STRN: variants seen among roughly 807,000 people sequenced by gnomAD.
The protein encoded by STRN is protein phosphatase 2 regulatory subunit B'''alpha.
STRN carries 53 observed loss-of-function variants against 96.3 expected under a neutral mutation model. That is an observed-to-expected ratio of 0.55 (90% CI 0.44 to 0.69). The LOEUF is 0.69. STRN is among the 30% of genes least tolerant of loss of function. STRN has a pLI of 0.00. For missense variants in STRN, 987 were observed against 963.9 expected (o/e 1.02, Z -0.32); for synonymous variants, 428 against 355.9 (o/e 1.20, Z -2.28).
In STRN at chr2:36,846,464, AAT is replaced by A; in HGVS notation, c.*2990_*2991del. ...TTATATATATTCTTACAATATATAT[AAT>A]ATATATTTATAAAATATACATACAT... On this transcript the variant is annotated 3_prime_UTR_variant, in exon 18 of 18. Coordinates refer to ENST00000263918, the MANE Select transcript of STRN (RefSeq NM_003162.4). 7.2e-6 allele frequency: 1 copy of A among 138,684 alleles called. No individual in the cohort carries two copies. The highest frequency in any genetic ancestry group is 2.2e-4 in the South Asian group (1 of 4,480). The allele number at this position is 138,684 out of a possible 1,614,324, so 8.6% of individuals were successfully genotyped here. A position where few individuals can be genotyped will look rare whatever the true frequency, so the allele number is the denominator to read the frequency against.
Position 36,848,429 on chromosome 2 carries a change from T to C in STRN, c.*1027A>G, listed in dbSNP as rs1438469173. On this transcript the variant is annotated 3_prime_UTR_variant, in exon 18 of 18. Transcript: ENST00000263918. Reference sequence around the variant, plus strand: ...ATTAATAATTATGAACTGTTCTTGGTAGATGTCAGATAACTTGAACGTGAC... The same window carrying C: ...ATTAATAATTATGAACTGTTCTTGGCAGATGTCAGATAACTTGAACGTGAC... The C allele has an allele frequency of 6.6e-6, 1 of 152,184 alleles. No individual in the cohort carries two copies. The highest frequency in any genetic ancestry group is 1.5e-5 in the Non-Finnish European group (1 of 68,018). The allele number at this position is 152,184 out of a possible 1,614,324, so 9.4% of individuals were successfully genotyped here.
In STRN at chr2:36,844,346, T is replaced by TTGA. The variant is rs1292871523; in HGVS notation, c.*5109_*5110insTCA. 4 of 152,114 alleles carry TTGA rather than the reference T, an allele frequency of 2.6e-5. No individual in the cohort carries two copies. The highest frequency in any genetic ancestry group is 7.2e-5 in the African/African-American group (3 of 41,418). The allele number at this position is 152,114 out of a possible 1,614,324, so 9.4% of individuals were successfully genotyped here. ...TGCTGATAATAACAAATTTAGCAGC[T>TTGA]CTCTACAAGTCAATTAAAATACCAT... On this transcript the variant is annotated 3_prime_UTR_variant, in exon 18 of 18. Coordinates refer to ENST00000263918, the MANE Select transcript of STRN (RefSeq NM_003162.4).
chr2:36,861,766 T>A (rs563819593), intron 12 of STRN, among the ~76,000 whole-genome samples: 1 of 147,680 alleles, frequency 6.8e-6, no homozygotes, highest in Admixed American at 6.8e-5. Flanking sequence ...CACACACACT[T>A]CTCACAAAAC....
intron 1 of STRN, among the ~76,000 whole-genome samples, chr2:36,956,783 A>C (rs1277632000): frequency 2.6e-5 from 4 of 152,232 alleles, no homozygotes; most frequent in Non-Finnish European, 5.9e-5. Context: ...ACATCTCTTG[A>C]TAAAGAAGTG....
rs1379665401 is a variant in STRN at position 36,846,873 on chromosome 2, A to G, written c.*2583T>C. On this transcript the variant is annotated 3_prime_UTR_variant, in exon 18 of 18. Transcript: ENST00000263918. ...CATATGAAAATAAGGCAGGGATCCA[A>G]ACCTCCCGCTAATTTTCATACTATT... is the stretch of plus-strand genomic sequence containing the variant. 2 of 152,142 alleles carry G rather than the reference A, an allele frequency of 1.3e-5. No homozygotes were observed. The highest frequency in any genetic ancestry group is 2.9e-5 in the Non-Finnish European group (2 of 68,026). The allele number at this position is 152,142 out of a possible 1,614,324, so 9.4% of individuals were successfully genotyped here. A position where few individuals can be genotyped will look rare whatever the true frequency, so the allele number is the denominator to read the frequency against.
intron 5 of STRN, among the ~76,000 whole-genome samples, chr2:36,901,120 C>T (rs1232167171): frequency 1.2e-4 from 18 of 152,034 alleles, no homozygotes; most frequent in Admixed American, 1.2e-3. Context: ...AACTCTTTAT[C>T]CCTACTGAAA....
chr2:36,906,226 G>C (rs1337161869), intron 3 of STRN, among the ~76,000 whole-genome samples: 1 of 152,136 alleles, frequency 6.6e-6, no homozygotes, highest in African/African-American at 2.4e-5. Flanking sequence ...CAATTTGGGA[G>C]GCCAAGGCAG....
In STRN at chr2:36,847,899, T is replaced by A. The variant is rs1668120356; in HGVS notation, c.*1557A>T. Reference sequence around the variant, plus strand: ...TTAATTGGTTAAAATATCTATAGATTTAATATTTTTAAAATCTAAGAGCCT... The same window carrying A: ...TTAATTGGTTAAAATATCTATAGATATAATATTTTTAAAATCTAAGAGCCT... On this transcript the variant is annotated 3_prime_UTR_variant, in exon 18 of 18. Coordinates refer to ENST00000263918, the MANE Select transcript of STRN (RefSeq NM_003162.4). 1 of 152,210 alleles carries A rather than the reference T, an allele frequency of 6.6e-6. No homozygotes were observed. The highest frequency in any genetic ancestry group is 1.5e-5 in the Non-Finnish European group (1 of 68,032). 9.4% of individuals were successfully genotyped at this position (152,210 alleles called of 1,614,324 possible).
chr2:36,932,804 C>T (rs1367043009), intron 1 of STRN, among the ~76,000 whole-genome samples: 6 of 152,150 alleles, frequency 3.9e-5, no homozygotes, highest in Non-Finnish European at 8.8e-5. Context: ...AGATTACAAA[C>T]ATAGATTTTC....
At chr2:36,917,952 T>C (rs749784395) in intron 2 of STRN, among the ~76,000 whole-genome samples, 19 of 152,210 alleles carry the variant, frequency 1.2e-4, no homozygotes, top group Non-Finnish European at 1.8e-4. Context: ...AGCCTATGCA[T>C]ATGAATCTTT....
Position 36,844,766 on chromosome 2 carries a change from G to T in STRN, c.*4690C>A, listed in dbSNP as rs958968475. 6.6e-6 allele frequency: 1 copy of T among 152,152 alleles called. No homozygotes were observed. Among genetic ancestry groups the T allele is most frequent in the African/African-American group, 2.4e-5 (1 of 41,442 alleles). The allele number at this position is 152,152 out of a possible 1,614,324, so 9.4% of individuals were successfully genotyped here. A position where few individuals can be genotyped will look rare whatever the true frequency, so the allele number is the denominator to read the frequency against. On this transcript the variant is annotated 3_prime_UTR_variant, in exon 18 of 18. Coordinates refer to ENST00000263918, the MANE Select transcript of STRN (RefSeq NM_003162.4). The stretch of plus-strand genomic sequence containing the variant: ...TCCCTGACACTGACATGAAGATCCA[G>T]TTGGATGATGGATATTGCCAATTAA...
At chr2:36,939,392 T>C (rs1406325964) in intron 1 of STRN, among the ~76,000 whole-genome samples, 3 of 152,176 alleles carry the variant, frequency 2.0e-5, no homozygotes, top group Non-Finnish European at 2.9e-5. Flanking sequence ...TGATAATATC[T>C]AGCTTTCCCA....
chr2:36,869,547 T>G lies in STRN; in HGVS notation c.1499+7A>C. The G allele has an allele frequency of 6.6e-7, 1 of 1,517,904 alleles. No individual in the cohort carries two copies. The highest frequency in any genetic ancestry group is 8.9e-7 in the Non-Finnish European group (1 of 1,128,186). The allele number at this position is 1,517,904 out of a possible 1,614,324, so 94.0% of individuals were successfully genotyped here. A position where few individuals can be genotyped will look rare whatever the true frequency, so the allele number is the denominator to read the frequency against. Reference sequence around the variant, plus strand: ...ATTCAAATAATGTTAAAGTAGAATATTCTCACTTTTTGGCTGGGGCTGTTT... The same window carrying G: ...ATTCAAATAATGTTAAAGTAGAATAGTCTCACTTTTTGGCTGGGGCTGTTT... On this transcript the variant is annotated splice_region_variant and intron_variant, in intron 11 of 17. Coordinates refer to ENST00000263918, the MANE Select transcript of STRN (RefSeq NM_003162.4).
At chr2:36,871,945 AG>A (rs1668771651) in intron 10 of STRN, among the ~76,000 whole-genome samples, 1 of 152,366 alleles carries the variant, frequency 6.6e-6, no homozygotes, top group African/African-American at 2.4e-5. Flanking sequence ...ACATCATCCA[AG>A]GAACTACTGT....
intron 4 of STRN, 79 bp from the exon 5 acceptor site, chr2:36,902,830 T>C: frequency 5.0e-6 from 6 of 1,208,544 alleles, no homozygotes; most frequent in Non-Finnish European, 5.7e-6. Flanking sequence ...AAAGTATTTA[T>C]TTAAACTCAT....
chr2:36,894,577 A>G (rs543403175), intron 6 of STRN, among the ~76,000 whole-genome samples: 27 of 152,224 alleles, frequency 1.8e-4, no homozygotes, highest in Non-Finnish European at 2.5e-4. Context: ...TAAGCTCTTT[A>G]TGAACTGTCT....
At chr2:36,943,225 TGA>T (rs771051814) in intron 1 of STRN, among the ~76,000 whole-genome samples, 1 of 151,924 alleles carries the variant, frequency 6.6e-6, no homozygotes. Context: ...AGCAAAAAAC[TGA>T]GAGATACACC....
At chr2:36,861,022 C>T in intron 13 of STRN, 110 bp downstream of exon 13, 1 of 1,305,006 alleles carries the variant, frequency 7.7e-7, no homozygotes, top group Non-Finnish European at 1.0e-6. Flanking sequence ...ATGTGGTTCT[C>T]TTTACCTATT....
At chr2:36,953,461 G>A (rs1664807887) in intron 1 of STRN, among the ~76,000 whole-genome samples, 1 of 147,474 alleles carries the variant, frequency 6.8e-6, no homozygotes, top group African/African-American at 2.6e-5. Flanking sequence ...GGAGTGCAGT[G>A]GCACAATCTC....
Sources: allele counts gnomAD v4.1 joint callset (sites outside exome capture counted in the v4.1 genomes callset), GRCh38; gene constraint gnomAD v4.1.1; transcripts MANE v1.5; gene names NCBI Gene and HGNC (gene_info 2026-07-23, HGNC 2026-07-21).